TMEM108: variants seen among roughly 807,000 people sequenced by gnomAD.
TMEM108 encodes transmembrane protein 108.
In TMEM108, 12 loss-of-function variants were observed where a neutral mutation model predicts 35.1. The observed-to-expected ratio is 0.34, with a 90% CI of 0.22 to 0.55. The LOEUF (loss-of-function observed/expected upper bound fraction) is 0.55, where lower values mean the gene tolerates loss of function less well. Among genes scored for constraint, TMEM108 ranks in the 20% least tolerant of loss-of-function variants. The pLI, the probability that TMEM108 is intolerant of heterozygous loss-of-function variation, is 0.89. For synonymous variants in TMEM108, 287 were observed against 308.6 expected (o/e 0.93, Z 0.73); for missense variants, 680 against 753.3 (o/e 0.90, Z 1.14).
At chr3:133,080,925 C>A (rs1450118775) in intron 2 of TMEM108, among the ~76,000 whole-genome samples, 1 of 152,138 alleles carries the variant, frequency 6.6e-6, no homozygotes, top group Non-Finnish European at 1.5e-5. Flanking sequence ...CCCTTTAGCT[C>A]CTTAAAGCTT....
intron 2 of TMEM108, among the ~76,000 whole-genome samples, chr3:133,093,191 A>G (rs1943971343): frequency 1.3e-5 from 2 of 152,242 alleles, no homozygotes; most frequent in African/African-American, 4.8e-5. Context: ...AGGTTTCACC[A>G]TGTTGGCCAG....
At chr3:133,103,832 T>G (rs1459183247) in intron 2 of TMEM108, among the ~76,000 whole-genome samples, 1 of 152,208 alleles carries the variant, frequency 6.6e-6, no homozygotes, top group Non-Finnish European at 1.5e-5. Context: ...CTTAGGCAAG[T>G]CAGGTCCTCA....
At chr3:133,097,627 A>G (rs917398029) in intron 2 of TMEM108, among the ~76,000 whole-genome samples, 3 of 152,222 alleles carry the variant, frequency 2.0e-5, no homozygotes, top group Admixed American at 2.0e-4. Flanking sequence ...TATCTGTTAT[A>G]TTGACTACTA....
At chr3:133,152,704 T>C (rs149166195) in intron 2 of TMEM108, among the ~76,000 whole-genome samples, 3 of 152,242 alleles carry the variant, frequency 2.0e-5, no homozygotes, top group Admixed American at 6.5e-5. Context: ...CCCTATTACC[T>C]GGAAAAACAT....
chr3:133,234,694 A>T (rs997034468), intron 3 of TMEM108, among the ~76,000 whole-genome samples: 1 of 152,170 alleles, frequency 6.6e-6, no homozygotes, highest in African/African-American at 2.4e-5. Flanking sequence ...CTGGCACAAG[A>T]CAAAGATGCC....
chr3:133,243,587 C>T (rs1047592940), intron 3 of TMEM108, among the ~76,000 whole-genome samples: 1 of 151,978 alleles, frequency 6.6e-6, no homozygotes, highest in Non-Finnish European at 1.5e-5. Context: ...GTGGCGCGAT[C>T]TCGGCTCACT....
intron 2 of TMEM108, among the ~76,000 whole-genome samples, chr3:133,069,919 TC>T (rs1274067783): frequency 1.3e-5 from 2 of 152,190 alleles, no homozygotes; most frequent in Non-Finnish European, 2.9e-5. Context: ...ATTTAATATA[TC>T]CTATTTTTAT....
intron 2 of TMEM108, among the ~76,000 whole-genome samples, chr3:133,059,372 T>G (rs1482254904): frequency 6.6e-6 from 1 of 152,162 alleles, no homozygotes; most frequent in African/African-American, 2.4e-5. Flanking sequence ...TGGAGTGACT[T>G]TTTTTTGGAA....
intron 3 of TMEM108, among the ~76,000 whole-genome samples, chr3:133,325,443 C>T (rs1277933878): frequency 6.6e-6 from 1 of 152,130 alleles, no homozygotes; most frequent in South Asian, 2.1e-4. Flanking sequence ...CAACCAAACA[C>T]CATCTGTTCT....
intron 3 of TMEM108, among the ~76,000 whole-genome samples, chr3:133,360,419 AT>A (rs1286557389): frequency 6.6e-6 from 1 of 152,196 alleles, no homozygotes. Context: ...GGAGTAAGGG[AT>A]ATTCAATAAT....
chr3:133,262,135 A>G (rs982570948), intron 3 of TMEM108, among the ~76,000 whole-genome samples: 1 of 152,172 alleles, frequency 6.6e-6, no homozygotes, highest in African/African-American at 2.4e-5. Context: ...TCATACACTC[A>G]TTTTTGGAAT....
At chr3:133,150,711 A>T (rs1944787132) in intron 2 of TMEM108, among the ~76,000 whole-genome samples, 1 of 152,178 alleles carries the variant, frequency 6.6e-6, no homozygotes, top group African/African-American at 2.4e-5. Context: ...GTGGTTATAA[A>T]ATATCTATAG....
chr3:133,147,325 CTGTT>C (rs1474746482), intron 2 of TMEM108, among the ~76,000 whole-genome samples: 6 of 152,148 alleles, frequency 3.9e-5, no homozygotes, highest in Middle Eastern at 3.4e-3. Flanking sequence ...GTCTGAGAGA[CTGTT>C]TGTTATGATT....
intron 3 of TMEM108, among the ~76,000 whole-genome samples, chr3:133,343,565 T>C (rs2071727395): frequency 6.6e-6 from 1 of 151,904 alleles, no homozygotes; most frequent in African/African-American, 2.4e-5. Context: ...GGTTGCTGAT[T>C]TGTGCAAAGA....
Position 133,350,842 on chromosome 3 carries a change from T to C in TMEM108, c.41-28910T>C, listed in dbSNP as rs552562340. Among the ~76,000 whole-genome samples the C allele has an allele frequency of 3.9e-5, 6 of 152,250 alleles. No homozygotes were observed. The South Asian group carries it at 1.0e-3, about 26-fold the overall frequency. ...AGGGTGTAAAGGCAGTTTTACATAC[T>C]GAATGCTGAGACCCTGGCCCTCTTC... On this transcript the variant is annotated intron_variant, in intron 3 of 5. Coordinates refer to ENST00000321871, the MANE Select transcript of TMEM108 (RefSeq NM_023943.4).
chr3:133,292,804 A>G (rs886200413), intron 3 of TMEM108, among the ~76,000 whole-genome samples: 2 of 152,188 alleles, frequency 1.3e-5, no homozygotes, highest in Admixed American at 6.5e-5. Flanking sequence ...AGCTTTGTAG[A>G]GAGCTCTGGG....
At chr3:133,218,033 T>C (rs1945934454) in intron 2 of TMEM108, among the ~76,000 whole-genome samples, 2 of 152,064 alleles carry the variant, frequency 1.3e-5, no homozygotes, top group African/African-American at 4.8e-5. Context: ...TTAACATTAA[T>C]TTTTCCAATC....
At chr3:133,248,945 T>C (rs777947071) in intron 3 of TMEM108, among the ~76,000 whole-genome samples, 1 of 152,206 alleles carries the variant, frequency 6.6e-6, no homozygotes, top group East Asian at 1.9e-4. Flanking sequence ...CTCCTGCTGC[T>C]GATTAAAAGC....
At chr3:133,318,927 A>AAAAAAAC (rs967197227) in intron 3 of TMEM108, among the ~76,000 whole-genome samples, 3 of 151,658 alleles carry the variant, frequency 2.0e-5, no homozygotes, top group Non-Finnish European at 4.4e-5. Flanking sequence ...AGGCAAAAAA[A>AAAAAAAC]AAAACTCAGG....
Sources: gnomAD v4.1 joint callset for allele counts (sites outside exome capture counted in the v4.1 genomes callset) on GRCh38, gnomAD v4.1.1 for gene constraint, MANE v1.5 for transcripts, NCBI Gene and HGNC (gene_info 2026-07-23, HGNC 2026-07-21) for gene names.